The following BTD variants were observed in gnomAD, a reference collection of about 807,000 sequenced individuals.
BTD encodes biotinidase.
A neutral mutation model predicts 17.7 loss-of-function variants in BTD; 13 were observed. The ratio of observed to expected loss-of-function variants is 0.74; its 90% CI spans 0.48 to 1.17. The LOEUF is 1.17. Ranked by LOEUF, BTD falls within the 50% of genes most tolerant of loss-of-function variation. The pLI is 0.00. For missense variants in BTD, 674 were observed against 650.4 expected (o/e 1.04, Z -0.39); for synonymous variants, 240 against 245.2 (o/e 0.98, Z 0.20).
In BTD at chr3:15,652,262, G is replaced by T. The variant is rs2125530076; in HGVS notation, c.*6774G>T. Among the ~76,000 whole-genome samples the T allele has an allele frequency of 6.6e-6, 1 of 152,234 alleles. No individual in the cohort carries two copies. The highest frequency in any genetic ancestry group is 3.4e-3 in the Middle Eastern group (1 of 294). ...AATCGCTTGAACCCGGGAGGCGGAG[G>T]TTACAATGAGCTGAGATAGCACCAC... On this transcript the variant is annotated 3_prime_UTR_variant, in exon 4 of 4. Coordinates refer to ENST00000643237, the MANE Select transcript of BTD (RefSeq NM_001370658.1).
rs397514341 is a variant in BTD at position 15,635,573 on chromosome 3, A to G, written c.134A>G (p.His45Arg). Residue 45 changes from histidine (H) to arginine (R), a missense_variant, in exon 2 of 4, where the codon CAT (histidine) becomes CGT (arginine). Physicochemically the swap from His to Arg is conservative, Grantham distance 29. Transcript: ENST00000643237. This position sits in a 1 kb window ranked among gnomAD's most constrained non-coding sequence, Gnocchi z 4.1. The stretch of plus-strand genomic sequence containing the variant: ...TATTATGTGGCTGCCGTGTATGAGC[A>G]TCCATCCATCCTGAGTCTGAACCCT... Reference protein sequence around the residue: ...AEYYVAAVYEHPSILSLNPLA... With the variant: ...AEYYVAAVYERPSILSLNPLA... 1 of 1,614,200 alleles carries G rather than the reference A, an allele frequency of 6.2e-7. No individual in the cohort carries two copies. The highest frequency in any genetic ancestry group is 8.5e-7 in the Non-Finnish European group (1 of 1,180,026).
At chr3:15,689,759 G>C (rs188633953) in intron 3 of BTD, 3 of 316,370 alleles carry the variant, frequency 9.5e-6, no homozygotes, top group African/African-American at 4.3e-5. Context: ...TTTTGTGCTT[G>C]GTTTACTTGG....
chr3:15,645,466 G>C lies in BTD; in HGVS notation c.1550G>C (p.Gly517Ala). ...SSGLVTAALY[G>A]RLYERD ...GGGCTGGTGACGGCGGCTCTCTATG[G>C]GCGCTTGTATGAGAGGGACTAGGAA... Residue 517 changes from glycine to alanine, a missense_variant, in exon 4 of 4, where the codon GGG becomes GCG. Physicochemically the swap from Gly to Ala is moderately conservative, Grantham distance 60. Coordinates refer to ENST00000643237, the MANE Select transcript of BTD (RefSeq NM_001370658.1). 6.2e-7 allele frequency: 1 copy of C among 1,609,412 alleles called. No individual in the cohort carries two copies. The highest frequency in any genetic ancestry group is 8.5e-7 in the Non-Finnish European group (1 of 1,180,010).
At chr3:15,690,297 A>G in intron 3 of BTD, 1 of 1,219,024 alleles carries the variant, frequency 8.2e-7, no homozygotes, top group Non-Finnish European at 1.1e-6. Flanking sequence ...AAATGTAAAT[A>G]AGCAAACTTG....
At chr3:15,688,269 T>A (rs1251597945) in intron 3 of BTD, among the ~76,000 whole-genome samples, 1 of 152,178 alleles carries the variant, frequency 6.6e-6, no homozygotes, top group Non-Finnish European at 1.5e-5. Flanking sequence ...TTTTCACAGA[T>A]CCCATCCAGT....
At chr3:15,643,500 C>CA (rs1038466793) in intron 3 of BTD, among the ~76,000 whole-genome samples, 78 of 144,798 alleles carry the variant, frequency 5.4e-4, no homozygotes, top group East Asian at 2.0e-3. Flanking sequence ...GACCCTGCCT[C>CA]AAAAAAAAAA....
intron 1 of BTD, among the ~76,000 whole-genome samples, chr3:15,620,151 AAC>A (rs2064908061): frequency 6.6e-6 from 1 of 152,208 alleles, no homozygotes; most frequent in African/African-American, 2.4e-5. Context: ...AAACATCTTA[AAC>A]AACAGAAAAC....
chr3:15,654,017 C>T (rs964893822), downstream of BTD, among the ~76,000 whole-genome samples: 7 of 152,200 alleles, frequency 4.6e-5, no homozygotes, highest in East Asian at 1.9e-4. Context: ...CCACTGCGCC[C>T]GGCCAAGACT....
intron 1 of BTD, among the ~76,000 whole-genome samples, chr3:15,621,024 A>AC (rs2064938225): frequency 6.6e-6 from 1 of 152,262 alleles, no homozygotes; most frequent in Non-Finnish European, 1.5e-5. Context: ...GGGAGTTCTA[A>AC]CACGCAAGGG....
At chr3:15,664,602 C>G (rs763756884) in intron 3 of BTD, among the ~76,000 whole-genome samples, 1 of 152,064 alleles carries the variant, frequency 6.6e-6, no homozygotes, top group Non-Finnish European at 1.5e-5. Flanking sequence ...TATCACGGCT[C>G]TTATGAAGCA....
chr3:15,654,985 G>A (rs1440203377), downstream of BTD, among the ~76,000 whole-genome samples: 1 of 152,140 alleles, frequency 6.6e-6, no homozygotes, highest in Non-Finnish European at 1.5e-5. Flanking sequence ...TGCCCGCCTT[G>A]GCCTCCCAAA....
intron 3 of BTD, among the ~76,000 whole-genome samples, chr3:15,694,052 A>AC (rs1314749978): frequency 1.3e-5 from 2 of 151,922 alleles, no homozygotes; most frequent in Non-Finnish European, 1.5e-5. Context: ...TTCTCAAAGT[A>AC]CCCCCTTCCC....
chr3:15,631,301 TAAAG>T, intron 1 of BTD: 1 of 747,728 alleles, frequency 1.3e-6, no homozygotes, highest in Non-Finnish European at 2.1e-6. Flanking sequence ...CCCTGACAAG[TAAAG>T]AATGACAAGA....
intron 3 of BTD, among the ~76,000 whole-genome samples, chr3:15,664,116 G>A (rs1185955119): frequency 6.6e-6 from 1 of 152,188 alleles, no homozygotes; most frequent in Non-Finnish European, 1.5e-5. Flanking sequence ...TGGCCAGGCT[G>A]GTCTCGATGT....
chr3:15,690,385 A>G (rs1456111983), intron 3 of BTD, among the ~76,000 whole-genome samples: 2 of 152,236 alleles, frequency 1.3e-5, no homozygotes, highest in East Asian at 3.8e-4. Flanking sequence ...AGATCTTTCT[A>G]ATAATCAACA....
intron 3 of BTD, among the ~76,000 whole-genome samples, chr3:15,666,506 C>T (rs1483133618): frequency 6.6e-6 from 1 of 152,210 alleles, no homozygotes; most frequent in Non-Finnish European, 1.5e-5. Context: ...TACAACCTTG[C>T]CTGGTACATG....
chr3:15,713,199 A>G (rs987268380), downstream of BTD, among the ~76,000 whole-genome samples: 1 of 152,166 alleles, frequency 6.6e-6, no homozygotes, highest in Non-Finnish European at 1.5e-5. Context: ...AAAAAAAAGC[A>G]TCTGGCACAT....
intron 3 of BTD, among the ~76,000 whole-genome samples, chr3:15,692,361 G>C (rs1391274206): frequency 1.3e-5 from 2 of 152,002 alleles, no homozygotes; most frequent in African/African-American, 4.8e-5. Flanking sequence ...AGGGAGGGAG[G>C]CTCACTGGAG....
Position 15,601,752 on chromosome 3 carries a change from T to C in BTD, c.-159T>C, listed in dbSNP as rs1191601617. On this transcript the variant is annotated 5_prime_UTR_variant, in exon 1 of 4. Transcript: ENST00000643237. ...GAGGGAGGCGGGACTAGCAGGAGAT[T>C]GCTGCCTATGCAAAGCAGGTAAGAA... 26 of 1,596,068 alleles carry C rather than the reference T, an allele frequency of 1.6e-5. No homozygotes were observed. The highest frequency in any genetic ancestry group is 2.2e-5 in the Non-Finnish European group (26 of 1,170,480).
Sources: allele counts gnomAD v4.1 joint callset (sites outside exome capture counted in the v4.1 genomes callset), GRCh38; gene constraint gnomAD v4.1.1; non-coding constraint Gnocchi (gnomAD v3.1); transcripts MANE v1.5; gene names NCBI Gene and HGNC (gene_info 2026-07-23, HGNC 2026-07-21).